FAF2: variants seen among roughly 807,000 people sequenced by gnomAD.
The protein encoded by FAF2 is FAS-associated factor 2.
FAF2 carries 9 observed loss-of-function variants against 62.3 expected under a neutral mutation model. The ratio of observed to expected loss-of-function variants is 0.14; its 90% confidence interval spans 0.09 to 0.25. The LOEUF (loss-of-function observed/expected upper bound fraction) is 0.25, where lower values mean the gene tolerates loss of function less well. Ranked by LOEUF, FAF2 falls within the 10% of genes least tolerant of loss-of-function variation. The pLI is 1.00. For missense variants in FAF2, 368 were observed against 556.2 expected, an observed-to-expected ratio of 0.66 and a Z score of 3.40; for synonymous variants, 202 against 198.0, an observed-to-expected ratio of 1.02 and a Z score of -0.17.
intron 3 of FAF2, among the ~76,000 whole-genome samples, chr5:176,488,198 G>A (rs1467001487): frequency 6.6e-6 from 1 of 151,848 alleles, no homozygotes; most frequent in South Asian, 2.1e-4. Context: ...GGCTGGTCTC[G>A]AACTCCTGAC....
intron 7 of FAF2, among the ~76,000 whole-genome samples, chr5:176,496,240 A>G (rs1222888057): frequency 6.6e-6 from 1 of 152,214 alleles, no homozygotes; most frequent in Non-Finnish European, 1.5e-5. Flanking sequence ...GCTTCTCAGG[A>G]GGCTGAGGTG....
intron 1 of FAF2, among the ~76,000 whole-genome samples, chr5:176,454,695 T>C (rs2963658): frequency 0.78 from 118,241 of 152,068 alleles, 46,042 homozygotes; most frequent in East Asian, 0.82. Context: ...TTCCCCATTC[T>C]AATTCCAGGT....
chr5:176,484,659 G>A (rs1016978604), intron 2 of FAF2, among the ~76,000 whole-genome samples: 8 of 152,120 alleles, frequency 5.3e-5, no homozygotes, highest in African/African-American at 1.7e-4. Flanking sequence ...TTGGGAGGCC[G>A]AGGCAGGTAG....
intron 8 of FAF2, chr5:176,496,904 TC>T (rs1755504402): frequency 3.6e-6 from 1 of 278,614 alleles, no homozygotes; most frequent in Non-Finnish European, 6.6e-6. Context: ...ACACCTGAAA[TC>T]CTAGCACGTT....
At chr5:176,450,702 C>T (rs1361815679) in intron 1 of FAF2, among the ~76,000 whole-genome samples, 1 of 152,052 alleles carries the variant, frequency 6.6e-6, no homozygotes, top group Non-Finnish European at 1.5e-5. Flanking sequence ...TACAGGCACG[C>T]GCCACCACAT....
At chr5:176,461,673 T>G (rs906238570) in intron 1 of FAF2, among the ~76,000 whole-genome samples, 1 of 151,744 alleles carries the variant, frequency 6.6e-6, no homozygotes, top group Non-Finnish European at 1.5e-5. Context: ...ATTATTTGCT[T>G]GTTGAATTGT....
At chr5:176,500,575 G>T (rs531878534) in intron 10 of FAF2, among the ~76,000 whole-genome samples, 1 of 152,256 alleles carries the variant, frequency 6.6e-6, no homozygotes, top group South Asian at 2.1e-4. Flanking sequence ...CTGAATATAA[G>T]TGCACTTGCA....
intron 1 of FAF2, among the ~76,000 whole-genome samples, chr5:176,455,670 A>G (rs1758267125): frequency 7.0e-6 from 1 of 142,564 alleles, no homozygotes. Flanking sequence ...AATTGCTTGA[A>G]CCTGGGAGGC....
chr5:176,464,250 C>T (rs1758427692), intron 1 of FAF2, among the ~76,000 whole-genome samples: 1 of 152,062 alleles, frequency 6.6e-6, no homozygotes, highest in Admixed American at 6.6e-5. Context: ...ACCCAGCCCC[C>T]ACCTATTTTA....
intron 1 of FAF2, among the ~76,000 whole-genome samples, chr5:176,448,885 G>A (rs1419410832): frequency 6.6e-6 from 1 of 152,176 alleles, no homozygotes; most frequent in Non-Finnish European, 1.5e-5. Flanking sequence ...AGCATCCCAT[G>A]CCATTTCCAC....
chr5:176,449,770 T>A (rs1758133009), intron 1 of FAF2, among the ~76,000 whole-genome samples: 1 of 152,226 alleles, frequency 6.6e-6, no homozygotes, highest in African/African-American at 2.4e-5. Flanking sequence ...TTCAACTATA[T>A]GAAGAACCTT....
Position 176,499,095 on chromosome 5 carries a change from G to A in FAF2, c.1011+10G>A, listed in dbSNP as rs534072168. On this transcript the variant is annotated intron_variant, in intron 9 of 10. Coordinates refer to ENST00000261942, the MANE Select transcript of FAF2 (RefSeq NM_014613.3). ...GGAGAGACGGCGGCAGGTAATGGACGTGTGGCTTTACTCCCTGTGGTTCCC... is the reference window on the plus strand; with the variant it reads ...GGAGAGACGGCGGCAGGTAATGGACATGTGGCTTTACTCCCTGTGGTTCCC... 157 of 1,562,784 alleles carry A rather than the reference G, an allele frequency of 1.0e-4. 1 individual carries two copies. Among genetic ancestry groups the A allele is most frequent in the South Asian group, 8.0e-4 (69 of 85,986 alleles).
rs1370524217 is a variant in FAF2 at position 176,507,850 on chromosome 5, C to T, written c.*900C>T. The T allele has an allele frequency of 6.5e-6, 1 of 152,804 alleles. No homozygotes were observed. Among genetic ancestry groups the T allele is most frequent in the African/African-American group, 2.4e-5 (1 of 41,422 alleles). The allele number at this position is 152,804 out of a possible 1,614,324, so 9.5% of individuals were successfully genotyped here. On this transcript the variant is annotated 3_prime_UTR_variant, in exon 11 of 11. Coordinates refer to ENST00000261942, the MANE Select transcript of FAF2 (RefSeq NM_014613.3). Reference sequence around the variant, plus strand: ...TGCAGCTTTTCCTTGGAGTCTGTACCAGGTGGTGGTTATGGGGTCTGAACC... The same window carrying T: ...TGCAGCTTTTCCTTGGAGTCTGTACTAGGTGGTGGTTATGGGGTCTGAACC...
At position 176,506,996 on chromosome 5, in the gene FAF2, T is replaced by C; in HGVS notation, c.*46T>C. 7.6e-7 allele frequency: 1 copy of C among 1,316,428 alleles called. No homozygotes were observed. Among genetic ancestry groups the C allele is most frequent in the Non-Finnish European group, 9.8e-7 (1 of 1,015,386 alleles). The allele number at this position is 1,316,428 out of a possible 1,614,324, so 81.5% of individuals were successfully genotyped here. ...CTCCTACCCCAGTCCCTAAAAGAAATGGGGAAAAAAGAAAACAACAGCAAG... is the reference window on the plus strand; with the variant it reads ...CTCCTACCCCAGTCCCTAAAAGAAACGGGGAAAAAAGAAAACAACAGCAAG... On this transcript the variant is annotated 3_prime_UTR_variant, in exon 11 of 11. Transcript: ENST00000261942.
Position 176,492,246 on chromosome 5 carries a change from G to A in FAF2, c.397G>A (p.Val133Ile), listed in dbSNP as rs371906699. 7 of 1,613,986 alleles carry A rather than the reference G, an allele frequency of 4.3e-6. No homozygotes were observed. The South Asian group carries it at 4.4e-5, about 10-fold the overall frequency. Reference protein sequence around the residue: ...PDPRSRVTDPVGDIVSFMHSF... With the variant: ...PDPRSRVTDPIGDIVSFMHSF... ...CCCTCGCAGCCGGGTCACTGACCCC[G>A]TTGGGGACATTGTTTCATTTATGCA... is the stretch of plus-strand genomic sequence containing the variant. Residue 133 changes from valine to isoleucine, a missense_variant, in exon 5 of 11, where the codon GTT becomes ATT. Transcript: ENST00000261942.
At chr5:176,461,141 G>C (rs1299338543) in intron 1 of FAF2, among the ~76,000 whole-genome samples, 3 of 151,700 alleles carry the variant, frequency 2.0e-5, no homozygotes, top group African/African-American at 7.3e-5. Flanking sequence ...AGCTTCCTGA[G>C]TAGCTGGGAT....
At chr5:176,505,074 G>A (rs566761274) in intron 10 of FAF2, among the ~76,000 whole-genome samples, 1 of 151,682 alleles carries the variant, frequency 6.6e-6, no homozygotes, top group East Asian at 1.9e-4. Flanking sequence ...AGAAATGAAG[G>A]ACTGCTTTAC....
chr5:176,473,187 A>G (rs1758604468), intron 1 of FAF2, among the ~76,000 whole-genome samples: 1 of 152,196 alleles, frequency 6.6e-6, no homozygotes, highest in Non-Finnish European at 1.5e-5. Flanking sequence ...AGGGTACTAC[A>G]TGCCATTTAG....
At position 176,506,760 on chromosome 5, in the gene FAF2, C is replaced by T. The variant is rs1483852460; in HGVS notation, c.1156-8C>T. On this transcript the variant is annotated splice_region_variant and splice_polypyrimidine_tract_variant and intron_variant, in intron 10 of 10. Coordinates refer to ENST00000261942, the MANE Select transcript of FAF2 (RefSeq NM_014613.3). ...CACCACCCTTCTTTTTCTATATGAC[C>T]TCTGCAGGTAATCCACGACTTCTTA... The T allele has an allele frequency of 4.3e-6, 7 of 1,612,002 alleles. No homozygotes were observed. Among genetic ancestry groups the T allele is most frequent in the Middle Eastern group, 3.3e-4 (2 of 6,040 alleles).
Sources: gnomAD v4.1 joint callset for allele counts (sites outside exome capture counted in the v4.1 genomes callset) on GRCh38, gnomAD v4.1.1 for gene constraint, MANE v1.5 for transcripts, NCBI Gene and HGNC (gene_info 2026-07-23, HGNC 2026-07-21) for gene names.